PSMA1: variants seen among roughly 807,000 people sequenced by gnomAD.
PSMA1 encodes proteasome subunit alpha type-1.
PSMA1 carries 3 observed loss-of-function variants against 38.4 expected under a neutral mutation model. The observed-to-expected ratio is 0.08, with a 90% confidence interval of 0.04 to 0.20. The LOEUF (loss-of-function observed/expected upper bound fraction) is 0.20, where lower values mean the gene tolerates loss of function less well. Among genes scored for constraint, PSMA1 ranks in the 10% least tolerant of loss-of-function variants. The pLI is 1.00. For missense variants in PSMA1, 227 were observed against 325.3 expected (o/e 0.70, Z 2.32); for synonymous variants, 101 against 107.1 (o/e 0.94, Z 0.35).
At chr11:14,592,374 C>CTATA (rs1467036149) in intron 2 of PSMA1, among the ~76,000 whole-genome samples, 1,828 of 119,086 alleles carry the variant, frequency 0.015, 27 homozygotes, top group Admixed American at 0.06. Context: ...CTCTCTCTCT[C>CTATA]TCTATATATA....
rs10641474 is a variant in PSMA1, at chr11:14,589,365, ATG to A, written c.21+21599_21+21600del. Among the ~76,000 whole-genome samples the A allele has an allele frequency of 1.2e-3, 176 of 147,616 alleles. 1 individual carries two copies. The highest frequency in any genetic ancestry group is 3.2e-3 in the Admixed American group (47 of 14,750). On this transcript the variant is annotated intron_variant, in intron 2 of 10. Transcript: ENST00000418988. ...TATGTGTGTGTGTATATATATATAT[ATG>A]TGTGTGTGTGTGTGTGTATATATAT...
intron 2 of PSMA1, among the ~76,000 whole-genome samples, chr11:14,605,697 A>G (rs1006321505): frequency 1.3e-5 from 2 of 152,126 alleles, no homozygotes; most frequent in African/African-American, 4.8e-5. Context: ...TCTTTTGCCT[A>G]TTTTTAATTA....
chr11:14,591,606 C>T (rs947093598), intron 2 of PSMA1, among the ~76,000 whole-genome samples: 1 of 152,176 alleles, frequency 6.6e-6, no homozygotes, highest in Non-Finnish European at 1.5e-5. Context: ...CTGTGTCTAG[C>T]TCAGGGTTTG....
At chr11:14,540,593 A>G (rs1851763019) in intron 2 of PSMA1, among the ~76,000 whole-genome samples, 1 of 152,026 alleles carries the variant, frequency 6.6e-6, no homozygotes, top group Non-Finnish European at 1.5e-5. Context: ...ATAAAATACT[A>G]CTCCTATCAG....
chr11:14,544,100 C>T (rs1265391317), intron 2 of PSMA1, among the ~76,000 whole-genome samples: 1 of 152,198 alleles, frequency 6.6e-6, no homozygotes, highest in African/African-American at 2.4e-5. Context: ...AGTGCAGTGG[C>T]ACAATCACTG....
chr11:14,546,381 T>C (rs1442906847), intron 2 of PSMA1, among the ~76,000 whole-genome samples: 1 of 152,120 alleles, frequency 6.6e-6, no homozygotes, highest in Non-Finnish European at 1.5e-5. Context: ...TGCTTTTCCC[T>C]TTCAGCAGAA....
chr11:14,638,985 G>A (rs1240916700), intron 1 of PSMA1, among the ~76,000 whole-genome samples: 1 of 152,000 alleles, frequency 6.6e-6, no homozygotes, highest in African/African-American at 2.4e-5. Context: ...GGAAATTTCT[G>A]GGTAAGCGTT....
Position 14,567,767 on chromosome 11 carries a change from G to A in PSMA1, c.21+43199C>T, listed in dbSNP as rs115912380. Among the ~76,000 whole-genome samples, 1,324 of 152,210 alleles carry A rather than the reference G, an allele frequency of 8.7e-3. 16 individuals carry two copies. Among genetic ancestry groups the A allele is most frequent in the African/African-American group, 0.031 (1,278 of 41,536 alleles). On this transcript the variant is annotated intron_variant, in intron 2 of 10. Coordinates refer to the PSMA1 transcript ENST00000418988. ...CTTTTTGCAGTCTATTTAGTGCCACGTTTTTCTCATTTTTGTGTTTTTTGG... is the reference window on the plus strand; with the variant it reads ...CTTTTTGCAGTCTATTTAGTGCCACATTTTTCTCATTTTTGTGTTTTTTGG...
At chr11:14,600,420 G>A (rs373080069) in intron 2 of PSMA1, among the ~76,000 whole-genome samples, 8 of 152,200 alleles carry the variant, frequency 5.3e-5, no homozygotes, top group Non-Finnish European at 7.4e-5. Flanking sequence ...GTTTCCCACC[G>A]CTTTTTTACC....
At chr11:14,529,121 C>CAAA (rs34346829) in intron 2 of PSMA1, among the ~76,000 whole-genome samples, 4 of 56,980 alleles carry the variant, frequency 7.0e-5, no homozygotes, top group Non-Finnish European at 1.5e-4. Context: ...GACCCTGTCT[C>CAAA]AAAAAAAAAA....
At chr11:14,598,925 AAG>A in intron 2 of PSMA1, among the ~76,000 whole-genome samples, 1 of 151,930 alleles carries the variant, frequency 6.6e-6, no homozygotes, top group East Asian at 1.9e-4. Context: ...GAGCTCTTGT[AAG>A]GCAGGCTCAG....
intron 1 of PSMA1, among the ~76,000 whole-genome samples, chr11:14,623,895 G>C (rs1161941049): frequency 1.3e-5 from 2 of 152,174 alleles, no homozygotes; most frequent in African/African-American, 4.8e-5. Context: ...CCACTTGGTG[G>C]TAAGTCAACT....
chr11:14,617,021 T>C (rs1431191967), intron 1 of PSMA1, among the ~76,000 whole-genome samples: 5 of 152,212 alleles, frequency 3.3e-5, no homozygotes, highest in Non-Finnish European at 7.3e-5. Context: ...CTTCCTTACA[T>C]GAAGCCAGTC....
chr11:14,531,811 A>G (rs1423751835), intron 2 of PSMA1, among the ~76,000 whole-genome samples: 1 of 152,132 alleles, frequency 6.6e-6, no homozygotes, highest in Non-Finnish European at 1.5e-5. Flanking sequence ...AATCTTTTAT[A>G]GATTGCATCA....
intron 2 of PSMA1, among the ~76,000 whole-genome samples, chr11:14,610,308 T>TG (rs909186199): frequency 1.1e-4 from 17 of 151,844 alleles, no homozygotes; most frequent in African/African-American, 3.9e-4. Context: ...CTCATGTTTC[T>TG]GGCACCCCAT....
At chr11:14,562,680 A>C (rs1403941911) in intron 2 of PSMA1, among the ~76,000 whole-genome samples, 1 of 149,850 alleles carries the variant, frequency 6.7e-6, no homozygotes, top group East Asian at 2.0e-4. Context: ...GCTGGAGTGC[A>C]GGGGCATGAT....
intron 2 of PSMA1, among the ~76,000 whole-genome samples, chr11:14,598,025 G>A (rs528668204): frequency 5.1e-4 from 78 of 152,322 alleles, no homozygotes; most frequent in African/African-American, 1.9e-3. Context: ...TCACTCAGGA[G>A]CAAGTTGTTC....
chr11:14,522,393 G>T (rs1851541137), upstream of PSMA1, among the ~76,000 whole-genome samples: 1 of 150,738 alleles, frequency 6.6e-6, no homozygotes, highest in South Asian at 2.1e-4. Context: ...ATTCATAGAA[G>T]TAGAATTGTG....
chr11:14,539,481 G>A (rs1851747129), intron 2 of PSMA1, among the ~76,000 whole-genome samples: 1 of 151,478 alleles, frequency 6.6e-6, no homozygotes, highest in African/African-American at 2.4e-5. Flanking sequence ...AGCTCTTAAA[G>A]GAAAAAAAGG....
Sources: allele counts gnomAD v4.1 joint callset (sites outside exome capture counted in the v4.1 genomes callset), GRCh38; gene constraint gnomAD v4.1.1; transcripts MANE v1.5; gene names NCBI Gene and HGNC (gene_info 2026-07-23, HGNC 2026-07-21).